Variants in TMEM131L observed in about 807,000 individuals in gnomAD.
The protein encoded by TMEM131L is transmembrane protein 131-like.
TMEM131L carries 54 observed loss-of-function variants against 192.2 expected under a neutral mutation model. That is an observed-to-expected ratio of 0.28 (90% CI 0.23 to 0.35). The LOEUF (loss-of-function observed/expected upper bound fraction) is 0.35, where lower values mean the gene tolerates loss of function less well. Ranked by LOEUF, TMEM131L falls within the 10% of genes least tolerant of loss-of-function variation. The pLI, the probability that TMEM131L is intolerant of heterozygous loss-of-function variation, is 1.00. For missense variants in TMEM131L, 1,888 were observed against 1,972.9 expected, an observed-to-expected ratio of 0.96 and a Z score of 0.82; for synonymous variants, 701 against 704.9, an observed-to-expected ratio of 0.99 and a Z score of 0.09.
chr4:153,510,846 C>G (rs1432094428), intron 3 of TMEM131L, among the ~76,000 whole-genome samples: 1 of 150,876 alleles, frequency 6.6e-6, no homozygotes, highest in African/African-American at 2.4e-5. Flanking sequence ...ATGATCATGC[C>G]AGTGTACTCC....
intron 4 of TMEM131L, among the ~76,000 whole-genome samples, chr4:153,552,165 A>G (rs1446413045): frequency 1.3e-5 from 2 of 152,146 alleles, no homozygotes; most frequent in East Asian, 1.9e-4. Flanking sequence ...AGCCAAGATC[A>G]TCATGCCACC....
At chr4:153,633,810 T>C (rs1183488379) in intron 32 of TMEM131L, among the ~76,000 whole-genome samples, 3 of 152,244 alleles carry the variant, frequency 2.0e-5, no homozygotes, top group Non-Finnish European at 4.4e-5. Context: ...AGATGAATGC[T>C]GGTCTTGCTC....
At chr4:153,590,073 A>T (rs1412171282) in intron 16 of TMEM131L, among the ~76,000 whole-genome samples, 1 of 152,228 alleles carries the variant, frequency 6.6e-6, no homozygotes, top group Non-Finnish European at 1.5e-5. Context: ...AATTTTCCCT[A>T]GTTGATCCAG....
intron 7 of TMEM131L, chr4:153,558,634 T>C (rs952793528): frequency 4.8e-6 from 1 of 209,840 alleles, no homozygotes; most frequent in African/African-American, 2.3e-5. Flanking sequence ...CATATACCTA[T>C]TTTATAAGTT....
chr4:153,479,145 T>C (rs1367279132), intron 3 of TMEM131L, among the ~76,000 whole-genome samples: 1 of 152,216 alleles, frequency 6.6e-6, no homozygotes, highest in Non-Finnish European at 1.5e-5. Flanking sequence ...CCAGTGTGAA[T>C]TCTGGGCAGC....
intron 3 of TMEM131L, among the ~76,000 whole-genome samples, chr4:153,505,888 G>A (rs1733951468): frequency 2.0e-5 from 3 of 152,184 alleles, no homozygotes; most frequent in Non-Finnish European, 4.4e-5. Flanking sequence ...CCAGGGTGTG[G>A]TGAGGAGGCT....
At position 153,472,280 on chromosome 4, in the gene TMEM131L, G is replaced by C. The variant is rs139373416; in HGVS notation, c.196-1565G>C. On this transcript the variant is annotated intron_variant, in intron 2 of 34. Coordinates refer to ENST00000409959, the MANE Select transcript of TMEM131L (RefSeq NM_001131007.2). ...TTTAACTATAGAGCCCAAGTTTTTA[G>C]CCATTACGTATGTTGTGTGAGTTTC... Among the ~76,000 whole-genome samples the C allele has an allele frequency of 4.3e-3, 648 of 152,272 alleles. 7 individuals carry two copies. The highest frequency in any genetic ancestry group is 0.014 in the African/African-American group (594 of 41,540).
At chr4:153,588,327 T>G (rs1303946377) in intron 15 of TMEM131L, among the ~76,000 whole-genome samples, 1 of 148,114 alleles carries the variant, frequency 6.8e-6, no homozygotes, top group Non-Finnish European at 1.5e-5. Flanking sequence ...AGGGAGAGTT[T>G]TAAAGTATAG....
At chr4:153,501,152 T>C (rs1366748465) in intron 3 of TMEM131L, among the ~76,000 whole-genome samples, 1 of 151,954 alleles carries the variant, frequency 6.6e-6, no homozygotes, top group Non-Finnish European at 1.5e-5. Flanking sequence ...TACTGGATGC[T>C]TAACTAAAGA....
rs1561138789 is a variant in TMEM131L at position 153,504,265 on chromosome 4, CCT to C, written c.239+30378_239+30379del. Among the ~76,000 whole-genome samples the C allele has an allele frequency of 1.2e-4, 12 of 97,936 alleles. 1 individual carries two copies. Among genetic ancestry groups the C allele is most frequent in the African/African-American group, 3.7e-4 (10 of 27,338 alleles). 64.2% of individuals were successfully genotyped at this position (97,936 alleles called of 152,430 possible). On this transcript the variant is annotated intron_variant, in intron 3 of 34. Coordinates refer to ENST00000409959, the MANE Select transcript of TMEM131L (RefSeq NM_001131007.2). Reference sequence around the variant, plus strand: ...TACGGGCGTGAGCCACCGCGGTCGGCCTTTTTTTTTTTTTTTTTTTTTTTTTT... The same window carrying C: ...TACGGGCGTGAGCCACCGCGGTCGGCTTTTTTTTTTTTTTTTTTTTTTTTT...
intron 3 of TMEM131L, among the ~76,000 whole-genome samples, chr4:153,505,773 A>T (rs1479434050): frequency 6.6e-6 from 1 of 152,168 alleles, no homozygotes; most frequent in Non-Finnish European, 1.5e-5. Context: ...ATTCAGAAAA[A>T]GAGAGCTAAT....
intron 7 of TMEM131L, among the ~76,000 whole-genome samples, chr4:153,570,644 G>T (rs1456786403): frequency 6.6e-6 from 1 of 152,136 alleles, no homozygotes; most frequent in Non-Finnish European, 1.5e-5. Context: ...GCATCTCCCG[G>T]CACTTTTGTG....
intron 3 of TMEM131L, among the ~76,000 whole-genome samples, chr4:153,525,449 C>T (rs534799859): frequency 5.3e-4 from 80 of 152,226 alleles, no homozygotes; most frequent in African/African-American, 1.8e-3. Context: ...AGGCGATTTT[C>T]GTGCCTCAGC....
intron 3 of TMEM131L, among the ~76,000 whole-genome samples, chr4:153,539,817 AAC>A (rs1491061637): frequency 6.6e-6 from 1 of 151,678 alleles, no homozygotes; most frequent in African/African-American, 2.4e-5. Flanking sequence ...TTAAAAAAAA[AAC>A]ACCTGTCAGG....
chr4:153,481,168 T>C (rs776937812), intron 3 of TMEM131L, among the ~76,000 whole-genome samples: 3 of 146,376 alleles, frequency 2.0e-5, no homozygotes, highest in Non-Finnish European at 4.7e-5. Context: ...AAAACACTTT[T>C]CTCTTCCCCA....
At chr4:153,570,250 C>G (rs142598353) in intron 7 of TMEM131L, among the ~76,000 whole-genome samples, 20 of 152,244 alleles carry the variant, frequency 1.3e-4, no homozygotes, top group African/African-American at 4.6e-4. Flanking sequence ...GAAAACGTGT[C>G]CCCCCACTTC....
chr4:153,585,360 G>A (rs1340086483), intron 12 of TMEM131L, 98 bp from the exon 13 acceptor site: 2 of 1,201,250 alleles, frequency 1.7e-6, no homozygotes, highest in Admixed American at 2.1e-5. Flanking sequence ...ATTTAGTAAC[G>A]TTTTATGATG....
chr4:153,630,383 A>G (rs1219940211), intron 31 of TMEM131L, among the ~76,000 whole-genome samples: 1 of 152,196 alleles, frequency 6.6e-6, no homozygotes, highest in Non-Finnish European at 1.5e-5. Flanking sequence ...CAAATCCCAC[A>G]GACCACCAGG....
chr4:153,620,982 C>T (rs3761658), intron 27 of TMEM131L, 102 bp downstream of exon 27: 41 of 761,652 alleles, frequency 5.4e-5, no homozygotes, highest in Non-Finnish European at 8.2e-5. Flanking sequence ...TATTAGATAC[C>T]GATAATATGA....
Sources: allele counts gnomAD v4.1 joint callset (sites outside exome capture counted in the v4.1 genomes callset), GRCh38; gene constraint gnomAD v4.1.1; transcripts MANE v1.5; gene names NCBI Gene and HGNC (gene_info 2026-07-23, HGNC 2026-07-21).